The following PDE4D variants were observed in gnomAD, a reference collection of about 807,000 sequenced individuals.
PDE4D encodes the protein 3',5'-cyclic-AMP phosphodiesterase 4D.
Under a neutral mutation model 87.4 loss-of-function variants are expected in PDE4D, and 24 were observed. The observed-to-expected ratio is 0.27, with a 90% CI of 0.20 to 0.39. The LOEUF is 0.39. Ranked by LOEUF, PDE4D falls within the 10% of genes least tolerant of loss-of-function variation. PDE4D has a pLI of 1.00. For missense variants in PDE4D, 714 were observed against 1,041.0 expected, an observed-to-expected ratio of 0.69 and a Z score of 4.32; for synonymous variants, 384 against 383.2, an observed-to-expected ratio of 1.00 and a Z score of -0.02.
intron 3 of PDE4D, among the ~76,000 whole-genome samples, chr5:59,928,055 C>A (rs188598535): frequency 1.2e-4 from 18 of 152,270 alleles, no homozygotes; most frequent in Middle Eastern, 3.4e-3. Flanking sequence ...GTGGTGTGAG[C>A]AGTGCATAGT....
chr5:59,184,834 A>G (rs1742517488), intron 4 of PDE4D, among the ~76,000 whole-genome samples: 1 of 152,100 alleles, frequency 6.6e-6, no homozygotes, highest in Admixed American at 6.6e-5. Context: ...TGAGAGGATG[A>G]CTTTCAGCTG....
At chr5:60,344,680 G>T (rs1758592068) in intron 1 of PDE4D, among the ~76,000 whole-genome samples, 1 of 152,076 alleles carries the variant, frequency 6.6e-6, no homozygotes, top group Admixed American at 6.6e-5. Flanking sequence ...GCACACAAGA[G>T]ATAAATAGTT....
At chr5:60,062,569 A>T (rs1411413766) in intron 2 of PDE4D, among the ~76,000 whole-genome samples, 4 of 152,204 alleles carry the variant, frequency 2.6e-5, no homozygotes, top group African/African-American at 9.6e-5. Context: ...TACTGGATAA[A>T]TACCTAGAGG....
intron 1 of PDE4D, among the ~76,000 whole-genome samples, chr5:59,293,673 G>A (rs12655617): frequency 0.17 from 25,209 of 152,064 alleles, 2,278 homozygotes; most frequent in East Asian, 0.23. Context: ...TCTCCATTGC[G>A]TTCTTACCTA....
At chr5:59,394,187 T>C (rs920279697) in intron 1 of PDE4D, among the ~76,000 whole-genome samples, 3 of 152,300 alleles carry the variant, frequency 2.0e-5, no homozygotes, top group Admixed American at 1.3e-4. Context: ...GCAGATGGAA[T>C]TGAGGCTGTG....
intron 1 of PDE4D, among the ~76,000 whole-genome samples, chr5:60,212,487 C>T (rs1479360005): frequency 1.3e-5 from 2 of 152,136 alleles, no homozygotes; most frequent in African/African-American, 4.8e-5. Flanking sequence ...AAGATTTGAC[C>T]TGGGGATACT....
intron 1 of PDE4D, among the ~76,000 whole-genome samples, chr5:59,581,482 G>C (rs148407560): frequency 0.018 from 2,666 of 152,228 alleles, 84 homozygotes; most frequent in African/African-American, 0.06. Context: ...ATTTTCATAT[G>C]ATGAGGAATA....
chr5:59,748,920 G>C (rs1002187382), intron 1 of PDE4D, among the ~76,000 whole-genome samples: 1 of 152,180 alleles, frequency 6.6e-6, no homozygotes, highest in Non-Finnish European at 1.5e-5. Context: ...CACCATCTTA[G>C]AAAACTGATC....
intron 6 of PDE4D, among the ~76,000 whole-genome samples, chr5:59,006,306 T>C (rs550571619): frequency 2.0e-4 from 31 of 152,382 alleles, no homozygotes; most frequent in Admixed American, 2.0e-3. Context: ...GCCTCATGCC[T>C]GTAATCCCAA....
intron 1 of PDE4D, among the ~76,000 whole-genome samples, chr5:59,616,319 G>A (rs1473683811): frequency 6.6e-6 from 1 of 152,092 alleles, no homozygotes; most frequent in Non-Finnish European, 1.5e-5. Flanking sequence ...ACACTAGGTT[G>A]ATTCTTATTT....
intron 1 of PDE4D, among the ~76,000 whole-genome samples, chr5:59,469,887 A>G (rs1248433673): frequency 1.3e-5 from 2 of 152,164 alleles, no homozygotes; most frequent in Non-Finnish European, 2.9e-5. Context: ...GCATTGCACC[A>G]CAATCATCTG....
At chr5:59,148,021 C>T (rs12153416) in intron 5 of PDE4D, among the ~76,000 whole-genome samples, 4,594 of 152,230 alleles carry the variant, frequency 0.03, 112 homozygotes, top group Admixed American at 0.059. Context: ...TCAGTAGCCA[C>T]TTCCATCATT....
intron 1 of PDE4D, among the ~76,000 whole-genome samples, chr5:59,862,054 A>G (rs1027839978): frequency 8.5e-5 from 13 of 152,234 alleles, no homozygotes; most frequent in Middle Eastern, 3.4e-3. Flanking sequence ...CTCACTGCCC[A>G]GGGGACCACT....
intron 2 of PDE4D, among the ~76,000 whole-genome samples, chr5:60,109,561 C>T (rs868803819): frequency 1.5e-4 from 22 of 151,710 alleles, no homozygotes; most frequent in Admixed American, 2.0e-4. Flanking sequence ...CACATGCACA[C>T]GTATGTTTAT....
At chr5:59,266,085 TC>T (rs1368053464) in intron 1 of PDE4D, among the ~76,000 whole-genome samples, 1 of 152,018 alleles carries the variant, frequency 6.6e-6, no homozygotes, top group East Asian at 1.9e-4. Flanking sequence ...AGCTCAAACT[TC>T]ATTTTTGAAG....
At chr5:59,652,256 C>T (rs1187310821) in intron 1 of PDE4D, among the ~76,000 whole-genome samples, 1 of 152,200 alleles carries the variant, frequency 6.6e-6, no homozygotes, top group Non-Finnish European at 1.5e-5. Context: ...TCACTGAGAA[C>T]ACTGAAAGTA....
chr5:59,100,871 C>A (rs1026105615), intron 5 of PDE4D, among the ~76,000 whole-genome samples: 1 of 152,024 alleles, frequency 6.6e-6, no homozygotes, highest in African/African-American at 2.4e-5. Flanking sequence ...TTGAAAACTA[C>A]CCCTCTTTCA....
At chr5:59,067,399 A>T (rs1340123163) in intron 5 of PDE4D, among the ~76,000 whole-genome samples, 1 of 152,192 alleles carries the variant, frequency 6.6e-6, no homozygotes, top group Non-Finnish European at 1.5e-5. Flanking sequence ...AAAGACAGAA[A>T]ATAGCCATAG....
At chr5:59,806,779 T>C (rs1767784132) in intron 1 of PDE4D, among the ~76,000 whole-genome samples, 1 of 152,226 alleles carries the variant, frequency 6.6e-6, no homozygotes, top group East Asian at 1.9e-4. Context: ...TTAAGTGTTT[T>C]CACCACAAAA....
Sources: gnomAD v4.1 joint callset for allele counts (sites outside exome capture counted in the v4.1 genomes callset) on GRCh38, gnomAD v4.1.1 for gene constraint, MANE v1.5 for transcripts, NCBI Gene and HGNC (gene_info 2026-07-23, HGNC 2026-07-21) for gene names.